Variants in ELAPOR1 observed in about 807,000 individuals in gnomAD.
ELAPOR1 encodes the protein endosome-lysosome associated apoptosis and autophagy regulator 1, also known as endosome/lysosome-associated apoptosis and autophagy regulator 1.
Under a neutral mutation model 119.7 loss-of-function variants are expected in ELAPOR1, and 77 were observed. The ratio of observed to expected loss-of-function variants is 0.64; its 90% CI spans 0.54 to 0.78. The LOEUF (loss-of-function observed/expected upper bound fraction) is 0.78, where lower values mean the gene tolerates loss of function less well. ELAPOR1 is among the 30% of genes least tolerant of loss of function. ELAPOR1 has a pLI of 0.00. For missense variants in ELAPOR1, 1,115 were observed against 1,270.4 expected (o/e 0.88, Z 1.86); for synonymous variants, 481 against 487.2 (o/e 0.99, Z 0.17).
chr1:109,138,853 A>G (rs1649655588), intron 1 of ELAPOR1, among the ~76,000 whole-genome samples: 1 of 145,936 alleles, frequency 6.9e-6, no homozygotes, highest in Non-Finnish European at 1.5e-5. Context: ...AAAAAAAAAG[A>G]ATCTTCTCCC....
intron 15 of ELAPOR1, 142 bp downstream of exon 15, chr1:109,194,736 C>T (rs1653678048): frequency 3.1e-6 from 2 of 655,308 alleles, no homozygotes; most frequent in Admixed American, 2.9e-5. Context: ...ATATTATTCT[C>T]CCTGAGGACT....
At chr1:109,167,058 G>C (rs1345739469) in intron 3 of ELAPOR1, among the ~76,000 whole-genome samples, 2 of 152,230 alleles carry the variant, frequency 1.3e-5, no homozygotes, top group Admixed American at 6.5e-5. Context: ...ACTGGAGGCA[G>C]AGATAAAGCT....
chr1:109,186,707 CAATT>C lies in ELAPOR1; in HGVS notation c.1042-1466_1042-1463del, dbSNP rs1220886258. 1.6e-5 allele frequency: 16 copies of C among 985,434 alleles called. No homozygotes were observed. The East Asian group carries it at 3.4e-4, about 21-fold the overall frequency. The allele number at this position is 985,434 out of a possible 1,614,324, so 61.0% of individuals were successfully genotyped here. A position where few individuals can be genotyped will look rare whatever the true frequency, so the allele number is the denominator to read the frequency against. Reference sequence around the variant, plus strand: ...AGCCAACTCACTAATAAAAGGCAGACAATTAATCCTGCTGCTCTTCTCCCTCCTG... The same window carrying C: ...AGCCAACTCACTAATAAAAGGCAGACAATCCTGCTGCTCTTCTCCCTCCTG... On this transcript the variant is annotated intron_variant, in intron 8 of 21. Transcript: ENST00000369939.
chr1:109,152,471 G>A (rs773887361), intron 1 of ELAPOR1, among the ~76,000 whole-genome samples: 9 of 152,148 alleles, frequency 5.9e-5, no homozygotes, highest in Non-Finnish European at 1.3e-4. Context: ...TGAGACACCT[G>A]CTTGGCTCTG....
intron 1 of ELAPOR1, among the ~76,000 whole-genome samples, chr1:109,137,626 C>T (rs1307830353): frequency 1.3e-5 from 2 of 152,102 alleles, no homozygotes. Flanking sequence ...CTCCTGGGTT[C>T]AAGCGATTCT....
chr1:109,154,322 GAAGT>G (rs1039173286), intron 1 of ELAPOR1, among the ~76,000 whole-genome samples: 9 of 151,380 alleles, frequency 5.9e-5, no homozygotes, highest in Non-Finnish European at 7.4e-5. Flanking sequence ...GAAAAAGATG[GAAGT>G]AAGGACAGAT....
intron 8 of ELAPOR1, 51 bp downstream of exon 8, chr1:109,185,184 C>T (rs1652971549): frequency 3.6e-6 from 5 of 1,388,236 alleles, no homozygotes; most frequent in African/African-American, 1.4e-5. Context: ...CTGTCTCCCA[C>T]TCCCTGAGGT....
intron 1 of ELAPOR1, among the ~76,000 whole-genome samples, chr1:109,136,804 G>A (rs1649501311): frequency 6.6e-6 from 1 of 152,176 alleles, no homozygotes; most frequent in Non-Finnish European, 1.5e-5. Context: ...CTTCAAAATA[G>A]TCATGGAGTG....
intron 7 of ELAPOR1, among the ~76,000 whole-genome samples, chr1:109,174,560 G>A (rs983093585): frequency 1.3e-5 from 2 of 151,128 alleles, no homozygotes; most frequent in African/African-American, 4.9e-5. Context: ...GTTTACATTC[G>A]GGGGTGGGGG....
chr1:109,197,682 T>A (rs1438435142), intron 16 of ELAPOR1, 28 bp downstream of exon 16: 1 of 1,365,450 alleles, frequency 7.3e-7, no homozygotes, highest in Non-Finnish European at 9.9e-7. Flanking sequence ...CTCAGCCTTG[T>A]TTGAGAGTGT....
chr1:109,124,380 GCCA>G (rs1420285878), intron 1 of ELAPOR1, among the ~76,000 whole-genome samples: 1 of 152,114 alleles, frequency 6.6e-6, no homozygotes, highest in Non-Finnish European at 1.5e-5. Flanking sequence ...GCAGGCTTGT[GCCA>G]CCACATCTAG....
At chr1:109,126,530 A>T (rs1648792195) in intron 1 of ELAPOR1, among the ~76,000 whole-genome samples, 1 of 151,768 alleles carries the variant, frequency 6.6e-6, no homozygotes, top group African/African-American at 2.4e-5. Context: ...GAGTGCAGTG[A>T]TGCAATCTCA....
intron 1 of ELAPOR1, among the ~76,000 whole-genome samples, chr1:109,155,262 G>C (rs1650806636): frequency 6.6e-6 from 1 of 152,128 alleles, no homozygotes; most frequent in East Asian, 1.9e-4. Context: ...TGCAAGCTCC[G>C]CCTCCCGGGT....
rs1003010384 is a variant in ELAPOR1, at chr1:109,206,381, G to T, written c.*3369G>T. On this transcript the variant is annotated 3_prime_UTR_variant, in exon 22 of 22. Transcript: ENST00000369939. ...CCCAGGGCTAAAGTGGTCTGTCCAA[G>T]CTGTTGTTGGTAGAGGGAGTATGAT... 6.6e-6 allele frequency: 1 copy of T among 152,210 alleles called. No individual in the cohort carries two copies. The highest frequency in any genetic ancestry group is 1.5e-5 in the Non-Finnish European group (1 of 68,056). 9.4% of individuals were successfully genotyped at this position (152,210 alleles called of 1,614,324 possible).
chr1:109,192,555 A>G (rs1653504269), intron 13 of ELAPOR1, 56 bp from the exon 14 acceptor site: 5 of 1,576,540 alleles, frequency 3.2e-6, no homozygotes, highest in Non-Finnish European at 4.3e-6. Flanking sequence ...AGAGGCCTCA[A>G]TTGTTGCTGC....
At chr1:109,126,098 A>G (rs1648761034) in intron 1 of ELAPOR1, among the ~76,000 whole-genome samples, 1 of 152,214 alleles carries the variant, frequency 6.6e-6, no homozygotes, top group Non-Finnish European at 1.5e-5. Flanking sequence ...GCAGTTATAC[A>G]TTTCATTAAG....
At chr1:109,193,229 G>T (rs958806555) in intron 14 of ELAPOR1, among the ~76,000 whole-genome samples, 5 of 152,176 alleles carry the variant, frequency 3.3e-5, no homozygotes, top group Non-Finnish European at 7.3e-5. Context: ...AATCCAGCCT[G>T]TTATTATGGA....
In ELAPOR1 at chr1:109,205,117, C is replaced by T. The variant is rs1654410921; in HGVS notation, c.*2105C>T. 1 of 152,140 alleles carries T rather than the reference C, an allele frequency of 6.6e-6. No homozygotes were observed. The highest frequency in any genetic ancestry group is 2.4e-5 in the African/African-American group (1 of 41,414). 9.4% of individuals were successfully genotyped at this position (152,140 alleles called of 1,614,324 possible). A position where few individuals can be genotyped will look rare whatever the true frequency, so the allele number is the denominator to read the frequency against. ...CTATTATCAATGAACTTTTAAGTACCTAGAATGGGTAAAACCAGAGCAAGA... is the reference window on the plus strand; with the variant it reads ...CTATTATCAATGAACTTTTAAGTACTTAGAATGGGTAAAACCAGAGCAAGA... On this transcript the variant is annotated 3_prime_UTR_variant, in exon 22 of 22. Coordinates refer to ENST00000369939, the MANE Select transcript of ELAPOR1 (RefSeq NM_020775.5).
intron 1 of ELAPOR1, among the ~76,000 whole-genome samples, chr1:109,158,327 G>A (rs1405155150): frequency 5.3e-5 from 4 of 75,602 alleles, no homozygotes; most frequent in African/African-American, 2.4e-4. Flanking sequence ...TTTTTTTTTT[G>A]GTCATTTCAG....
Sources: allele counts gnomAD v4.1 joint callset (sites outside exome capture counted in the v4.1 genomes callset), GRCh38; gene constraint gnomAD v4.1.1; transcripts MANE v1.5; gene names NCBI Gene and HGNC (gene_info 2026-07-23, HGNC 2026-07-21).